The following THSD7A variants were observed in gnomAD, a reference collection of about 807,000 sequenced individuals.
The protein encoded by THSD7A is thrombospondin type-1 domain-containing protein 7A.
In THSD7A, 96 loss-of-function variants were observed where a neutral mutation model predicts 231.3. The observed-to-expected ratio is 0.41, with a 90% confidence interval of 0.35 to 0.49. THSD7A has a LOEUF of 0.49. Ranked by LOEUF, THSD7A falls within the 20% of genes least tolerant of loss-of-function variation. The pLI, the probability that THSD7A is intolerant of heterozygous loss-of-function variation, is 0.05. For synonymous variants in THSD7A, 940 were observed against 743.3 expected (o/e 1.26, Z -4.30); for missense variants, 2,290 against 2,070.2 (o/e 1.11, Z -2.06).
At chr7:11,633,191 T>C (rs1174994571) in intron 2 of THSD7A, among the ~76,000 whole-genome samples, 1 of 152,164 alleles carries the variant, frequency 6.6e-6, no homozygotes. Context: ...TCCTTTAACA[T>C]CTTTGGTTTC....
intron 23 of THSD7A, chr7:11,383,685 T>A (rs1449300960): frequency 6.7e-6 from 1 of 150,234 alleles, no homozygotes; most frequent in Non-Finnish European, 1.5e-5. Context: ...GTTCCTTGAT[T>A]ACTAAAGTTA....
At chr7:11,729,419 T>C (rs949806038) in intron 1 of THSD7A, among the ~76,000 whole-genome samples, 8 of 151,836 alleles carry the variant, frequency 5.3e-5, no homozygotes, top group African/African-American at 1.9e-4. Flanking sequence ...ATTCACTCAT[T>C]GTATTCCTGG....
chr7:11,391,022 G>C (rs979183617), intron 23 of THSD7A, among the ~76,000 whole-genome samples: 1 of 152,192 alleles, frequency 6.6e-6, no homozygotes, highest in Non-Finnish European at 1.5e-5. Context: ...CCTTTATGAA[G>C]TGTCTTTTGT....
At chr7:11,554,332 G>T (rs1789754541) in intron 4 of THSD7A, among the ~76,000 whole-genome samples, 1 of 152,030 alleles carries the variant, frequency 6.6e-6, no homozygotes, top group Non-Finnish European at 1.5e-5. Flanking sequence ...GACAGAGTTT[G>T]GAATGATGCA....
chr7:11,632,411 A>T lies in THSD7A; in HGVS notation c.1022+3719T>A, dbSNP rs1781685730. Among the ~76,000 whole-genome samples the T allele has an allele frequency of 1.3e-5, 2 of 152,262 alleles. No homozygotes were observed. Among genetic ancestry groups the T allele is most frequent in the South Asian group, 4.1e-4 (2 of 4,830 alleles). On this transcript the variant is annotated intron_variant, in intron 2 of 27. Coordinates refer to ENST00000423059, the MANE Select transcript of THSD7A (RefSeq NM_015204.3). This position sits in a 1 kb window ranked among gnomAD's most constrained non-coding sequence, Gnocchi z 4.1. ...ATTTAATTTTTTAAGCATCTAGGGAATATATTGATTTTTGGATATTATATT... is the reference window on the plus strand; with the variant it reads ...ATTTAATTTTTTAAGCATCTAGGGATTATATTGATTTTTGGATATTATATT...
chr7:11,639,195 C>T (rs1781982817), intron 1 of THSD7A, among the ~76,000 whole-genome samples: 1 of 152,042 alleles, frequency 6.6e-6, no homozygotes, highest in South Asian at 2.1e-4. Context: ...AGTTGAACTT[C>T]CTGATATATT....
At chr7:11,767,832 G>T (rs114398349) in intron 1 of THSD7A, among the ~76,000 whole-genome samples, 3 of 152,262 alleles carry the variant, frequency 2.0e-5, no homozygotes, top group African/African-American at 7.2e-5. Context: ...GACAACAGAA[G>T]CTCCAACAAG....
chr7:11,599,993 C>T lies in THSD7A; in HGVS notation c.1023-6491G>A, dbSNP rs547027651. Reference sequence around the variant, plus strand: ...ATCTTTCTCCTGTGATGGATGCTTCCTACCCTCGAACATCAGACTCCAAGT... The same window carrying T: ...ATCTTTCTCCTGTGATGGATGCTTCTTACCCTCGAACATCAGACTCCAAGT... On this transcript the variant is annotated intron_variant, in intron 2 of 27. Coordinates refer to ENST00000423059, the MANE Select transcript of THSD7A (RefSeq NM_015204.3). 5.3e-5 allele frequency among the ~76,000 whole-genome samples: 8 copies of T among 152,016 alleles called. No homozygotes were observed. In the East Asian group the frequency reaches 5.8e-4, roughly 11 times the overall value.
At chr7:11,563,138 A>C (rs6979362) in intron 4 of THSD7A, among the ~76,000 whole-genome samples, 1 of 151,978 alleles carries the variant, frequency 6.6e-6, no homozygotes, top group East Asian at 1.9e-4. Context: ...ATAGAAGTTT[A>C]TTTCCTCTTG....
At chr7:11,782,729 T>C (rs1425363476) in intron 1 of THSD7A, among the ~76,000 whole-genome samples, 1 of 152,166 alleles carries the variant, frequency 6.6e-6, no homozygotes, top group African/African-American at 2.4e-5. Flanking sequence ...TAAAGATATT[T>C]TGCTGTGAAA....
At chr7:11,696,904 G>T (rs1255028404) in intron 1 of THSD7A, among the ~76,000 whole-genome samples, 2 of 151,274 alleles carry the variant, frequency 1.3e-5, no homozygotes, top group African/African-American at 4.8e-5. Context: ...ACTGATTATG[G>T]CCATGAGAGA....
Position 11,814,486 on chromosome 7 carries a change from T to A in THSD7A, c.190+17271A>T, listed in dbSNP as rs1189173444. On this transcript the variant is annotated intron_variant, in intron 1 of 27. Transcript: ENST00000423059. This position sits in a 1 kb window ranked among gnomAD's most constrained non-coding sequence, Gnocchi z 5.1. ...GGGTAGAAAATTACCTCAAGAAGAA[T>A]GATCTTGAAAGCTCTGAAAACTTTC... 2.6e-5 allele frequency among the ~76,000 whole-genome samples: 4 copies of A among 152,222 alleles called. No homozygotes were observed. The highest frequency in any genetic ancestry group is 9.6e-5 in the African/African-American group (4 of 41,452).
At chr7:11,662,448 C>T (rs1782964415) in intron 1 of THSD7A, among the ~76,000 whole-genome samples, 1 of 151,188 alleles carries the variant, frequency 6.6e-6, no homozygotes, top group Admixed American at 6.6e-5. Flanking sequence ...GAGAGGTATA[C>T]AGTAATTATG....
chr7:11,694,468 C>A (rs1780328259), intron 1 of THSD7A, among the ~76,000 whole-genome samples: 1 of 151,520 alleles, frequency 6.6e-6, no homozygotes, highest in Non-Finnish European at 1.5e-5. Flanking sequence ...CCAACTTAAA[C>A]AGATGACCAA....
At chr7:11,719,865 A>C (rs80049585) in intron 1 of THSD7A, among the ~76,000 whole-genome samples, 5,695 of 151,862 alleles carry the variant, frequency 0.038, 350 homozygotes, top group African/African-American at 0.13. Context: ...AACCTAAAAA[A>C]TAATAGTTGC....
chr7:11,758,668 A>G (rs894101946), intron 1 of THSD7A, among the ~76,000 whole-genome samples: 17 of 152,080 alleles, frequency 1.1e-4, no homozygotes, highest in Non-Finnish European at 1.9e-4. Flanking sequence ...CATTGTTTCT[A>G]TTTGGAAGGG....
At chr7:11,456,159 A>C (rs973339111) in intron 11 of THSD7A, among the ~76,000 whole-genome samples, 1 of 152,010 alleles carries the variant, frequency 6.6e-6, no homozygotes, top group Non-Finnish European at 1.5e-5. Flanking sequence ...TGAGACACAC[A>C]CATTCTCTCT....
chr7:11,667,331 AACCATACCAC>A (rs527956746), intron 1 of THSD7A, among the ~76,000 whole-genome samples: 86 of 152,258 alleles, frequency 5.6e-4, no homozygotes, highest in Non-Finnish European at 1.1e-3. Flanking sequence ...CATTGTTTAC[AACCATACCAC>A]TTCTCGTCTG....
intron 1 of THSD7A, among the ~76,000 whole-genome samples, chr7:11,646,689 A>C (rs931753432): frequency 6.6e-6 from 1 of 152,038 alleles, no homozygotes; most frequent in African/African-American, 2.4e-5. Context: ...AGTCAAATAA[A>C]CAAGATATTG....
Sources: gnomAD v4.1 joint callset for allele counts (sites outside exome capture counted in the v4.1 genomes callset) on GRCh38, gnomAD v4.1.1 for gene constraint, Gnocchi (gnomAD v3.1) non-coding constraint, MANE v1.5 for transcripts, NCBI Gene and HGNC (gene_info 2026-07-23, HGNC 2026-07-21) for gene names.